Variants in MAP3K4 observed in about 807,000 individuals in gnomAD.
MAP3K4 encodes the protein MAP three kinase 1.
Under a neutral mutation model 185.6 loss-of-function variants are expected in MAP3K4, and 67 were observed. The ratio of observed to expected loss-of-function variants is 0.36; its 90% CI spans 0.30 to 0.44. The LOEUF is 0.44. Among genes scored for constraint, MAP3K4 ranks in the 20% least tolerant of loss-of-function variants. MAP3K4 has a pLI of 1.00. For synonymous variants in MAP3K4, 702 were observed against 710.4 expected, an observed-to-expected ratio of 0.99 and a Z score of 0.19; for missense variants, 1,551 against 1,995.1, an observed-to-expected ratio of 0.78 and a Z score of 4.24.
Position 161,063,738 on chromosome 6 carries a change from A to G in MAP3K4, c.1708-6870A>G, listed in dbSNP as rs374645032. ...CCAGCCCTTTCAGACCTTACTGCCAACCCCTTGCCTTCACTCATGAATAGT... is the reference window on the plus strand; with the variant it reads ...CCAGCCCTTTCAGACCTTACTGCCAGCCCCTTGCCTTCACTCATGAATAGT... On this transcript the variant is annotated intron_variant, in intron 3 of 26. Transcript: ENST00000392142. The surrounding 1 kb of genome is among the most constrained non-coding windows in gnomAD (Gnocchi z 5.4). Among the ~76,000 whole-genome samples the G allele has an allele frequency of 6.6e-6, 1 of 151,964 alleles. No individual in the cohort carries two copies. Among genetic ancestry groups the G allele is most frequent in the Admixed American group, 6.6e-5 (1 of 15,254 alleles).
At position 161,087,603 on chromosome 6, in the gene MAP3K4, G is replaced by T. The variant is rs1032731393; in HGVS notation, c.2557-85G>T. On this transcript the variant is annotated intron_variant, in intron 9 of 26. Transcript: ENST00000392142. The surrounding 1 kb of genome is among the most constrained non-coding windows in gnomAD (Gnocchi z 4.9). ...TTCCCACTTTCCCTTTCCCAAACCT[G>T]CCTCTCCTTTCCTAGGTTTGTTTTA... The T allele has an allele frequency of 1.1e-4, 158 of 1,431,428 alleles. No individual in the cohort carries two copies. Among genetic ancestry groups the T allele is most frequent in the Non-Finnish European group, 1.4e-4 (144 of 1,032,522 alleles). The allele number at this position is 1,431,428 out of a possible 1,614,324, so 88.7% of individuals were successfully genotyped here. A position where few individuals can be genotyped will look rare whatever the true frequency, so the allele number is the denominator to read the frequency against.
chr6:161,089,569 G>C, intron 11 of MAP3K4, 98 bp downstream of exon 11: 1 of 1,336,618 alleles, frequency 7.5e-7, no homozygotes, highest in South Asian at 1.5e-5. Context: ...AGGAACTTGA[G>C]CTCCTGAATT....
At chr6:161,099,488 C>G (rs966174453) in intron 17 of MAP3K4, among the ~76,000 whole-genome samples, 1 of 152,188 alleles carries the variant, frequency 6.6e-6, no homozygotes, top group African/African-American at 2.4e-5. Flanking sequence ...AAATTAACAA[C>G]ATTGAACAAA....
intron 1 of MAP3K4, among the ~76,000 whole-genome samples, chr6:161,016,398 T>C (rs1407643284): frequency 6.6e-6 from 1 of 152,256 alleles, no homozygotes; most frequent in Admixed American, 6.5e-5. Context: ...TTCGTGCTTT[T>C]GTATCATATC....
rs1777813232 is a variant in MAP3K4, at chr6:161,100,899, C to T, written c.3675-993C>T. 6.6e-6 allele frequency: 1 copy of T among 152,090 alleles called. No individual in the cohort carries two copies. Among genetic ancestry groups the T allele is most frequent in the Non-Finnish European group, 1.5e-5 (1 of 68,024 alleles). The allele number at this position is 152,090 out of a possible 1,614,324, so 9.4% of individuals were successfully genotyped here. A position where few individuals can be genotyped will look rare whatever the true frequency, so the allele number is the denominator to read the frequency against. ...TATGGCAGTAGAAATGTCCCCATCACTTCAGACTTAACAAGTGCTATACTA... is the reference window on the plus strand; with the variant it reads ...TATGGCAGTAGAAATGTCCCCATCATTTCAGACTTAACAAGTGCTATACTA... On this transcript the variant is annotated intron_variant, in intron 17 of 26. Coordinates refer to ENST00000392142, the MANE Select transcript of MAP3K4 (RefSeq NM_005922.4). The surrounding 1 kb of genome is among the most constrained non-coding windows in gnomAD (Gnocchi z 5.8).
At chr6:161,014,782 A>G (rs950613124) in intron 1 of MAP3K4, among the ~76,000 whole-genome samples, 1 of 152,210 alleles carries the variant, frequency 6.6e-6, no homozygotes, top group South Asian at 2.1e-4. Flanking sequence ...TCATCCACCC[A>G]TTTAAAGTGT....
chr6:161,103,247 T>C lies in MAP3K4; in HGVS notation c.3856+468T>C, dbSNP rs891207574. On this transcript the variant is annotated intron_variant, in intron 19 of 26. Coordinates refer to ENST00000392142, the MANE Select transcript of MAP3K4 (RefSeq NM_005922.4). This position sits in a 1 kb window ranked among gnomAD's most constrained non-coding sequence, Gnocchi z 4.6. ...CAACAATATTGAGCAGTAGGCAAAA[T>C]AGATGTTCTCTTTTTATAAATGATA... Among the ~76,000 whole-genome samples the C allele has an allele frequency of 6.6e-5, 10 of 152,178 alleles. No individual in the cohort carries two copies. The highest frequency in any genetic ancestry group is 5.9e-4 in the Admixed American group (9 of 15,278).
Position 160,996,210 on chromosome 6 carries a change from C to G in MAP3K4, c.152+4127C>G, listed in dbSNP as rs907191772. Among the ~76,000 whole-genome samples, 1 of 152,164 alleles carries G rather than the reference C, an allele frequency of 6.6e-6. No individual in the cohort carries two copies. Among genetic ancestry groups the G allele is most frequent in the Non-Finnish European group, 1.5e-5 (1 of 68,032 alleles). Reference sequence around the variant, plus strand: ...CAGTGATGGTCATGCCTTTACACCACTGTAACAGTAGATGCCATTGGCGGG... The same window carrying G: ...CAGTGATGGTCATGCCTTTACACCAGTGTAACAGTAGATGCCATTGGCGGG... On this transcript the variant is annotated intron_variant, in intron 1 of 26. Transcript: ENST00000392142. The surrounding 1 kb of genome is among the most constrained non-coding windows in gnomAD (Gnocchi z 4.5).
At chr6:161,057,055 C>T (rs1784270116) in intron 3 of MAP3K4, among the ~76,000 whole-genome samples, 1 of 152,082 alleles carries the variant, frequency 6.6e-6, no homozygotes, top group Non-Finnish European at 1.5e-5. Flanking sequence ...AATTGTCTGA[C>T]TTTGTTGCCT....
chr6:161,035,980 T>G (rs1393644982), intron 2 of MAP3K4, among the ~76,000 whole-genome samples: 5 of 152,218 alleles, frequency 3.3e-5, no homozygotes, highest in Admixed American at 2.6e-4. Context: ...GTACCACTAG[T>G]TCTCCTGGTA....
intron 1 of MAP3K4, among the ~76,000 whole-genome samples, chr6:160,993,988 T>A (rs1426755093): frequency 6.6e-6 from 1 of 152,200 alleles, no homozygotes; most frequent in Non-Finnish European, 1.5e-5. Context: ...TACATAGAAC[T>A]GACCTCTGAC....
rs773551300 is a variant in MAP3K4 at position 161,064,672 on chromosome 6, G to A, written c.1708-5936G>A. Reference sequence around the variant, plus strand: ...TCCACATGGGCTTTATTATGGATTTGTCAAATCCACACAACATGACATCAG... The same window carrying A: ...TCCACATGGGCTTTATTATGGATTTATCAAATCCACACAACATGACATCAG... On this transcript the variant is annotated intron_variant, in intron 3 of 26. Coordinates refer to ENST00000392142, the MANE Select transcript of MAP3K4 (RefSeq NM_005922.4). This position sits in a 1 kb window ranked among gnomAD's most constrained non-coding sequence, Gnocchi z 4.3. Among the ~76,000 whole-genome samples the A allele has an allele frequency of 5.3e-5, 8 of 152,012 alleles. No individual in the cohort carries two copies. Among genetic ancestry groups the A allele is most frequent in the Non-Finnish European group, 1.0e-4 (7 of 68,010 alleles).
Position 161,112,051 on chromosome 6 carries a change from T to C in MAP3K4, c.4519+93T>C. 1 of 1,515,088 alleles carries C rather than the reference T, an allele frequency of 6.6e-7. No homozygotes were observed. The highest frequency in any genetic ancestry group is 8.9e-7 in the Non-Finnish European group (1 of 1,121,138). The allele number at this position is 1,515,088 out of a possible 1,614,324, so 93.9% of individuals were successfully genotyped here. On this transcript the variant is annotated intron_variant, in intron 24 of 26. Transcript: ENST00000392142. The surrounding 1 kb of genome is among the most constrained non-coding windows in gnomAD (Gnocchi z 5.1). ...CTTCACCTTTGTTTGTCAGTAGAGATGGGAGAGCAGGTAAAGGTTTTCAGT... is the reference window on the plus strand; with the variant it reads ...CTTCACCTTTGTTTGTCAGTAGAGACGGGAGAGCAGGTAAAGGTTTTCAGT...
rs895854975 is a variant in MAP3K4 at position 161,110,868 on chromosome 6, G to A, written c.4396+954G>A. Among the ~76,000 whole-genome samples, 7 of 152,144 alleles carry A rather than the reference G, an allele frequency of 4.6e-5. No homozygotes were observed. Among genetic ancestry groups the A allele is most frequent in the African/African-American group, 1.4e-4 (6 of 41,420 alleles). On this transcript the variant is annotated intron_variant, in intron 23 of 26. Coordinates refer to ENST00000392142, the MANE Select transcript of MAP3K4 (RefSeq NM_005922.4). The surrounding 1 kb of genome is among the most constrained non-coding windows in gnomAD (Gnocchi z 4.8). ...TGGCTCTGTACCAGGCCGTAGCACT[G>A]CCTATTTCTAGTCGTTCTGCCACAG...
At chr6:161,015,703 G>A (rs1338143220) in intron 1 of MAP3K4, among the ~76,000 whole-genome samples, 1 of 152,030 alleles carries the variant, frequency 6.6e-6, no homozygotes, top group Non-Finnish European at 1.5e-5. Context: ...CGGGGCGGGG[G>A]GAAGGTGCCA....
intron 18 of MAP3K4, 150 bp from the exon 19 acceptor site, chr6:161,102,549 T>A: frequency 1.8e-6 from 1 of 550,722 alleles, no homozygotes; most frequent in Non-Finnish European, 3.2e-6. Context: ...ATTGCAAAGA[T>A]AGTTTCTCAC....
rs574984794 is a variant in MAP3K4, at chr6:161,054,155, C to T, written c.1707+4176C>T. Among the ~76,000 whole-genome samples the T allele has an allele frequency of 6.6e-6, 1 of 152,186 alleles. No individual in the cohort carries two copies. The highest frequency in any genetic ancestry group is 1.9e-4 in the East Asian group (1 of 5,178). On this transcript the variant is annotated intron_variant, in intron 3 of 26. Coordinates refer to ENST00000392142, the MANE Select transcript of MAP3K4 (RefSeq NM_005922.4). The surrounding 1 kb of genome is among the most constrained non-coding windows in gnomAD (Gnocchi z 4.2). ...AATTTCCCTTTGTAAGCATGCTTTA[C>T]AAAATAATTTTTTTTTGAGACAGAG...
At position 161,102,743 on chromosome 6, in the gene MAP3K4, A is replaced by G; in HGVS notation, c.3820A>G (p.Ser1274Gly). 6.2e-7 allele frequency: 1 copy of G among 1,601,566 alleles called. No individual in the cohort carries two copies. Among genetic ancestry groups the G allele is most frequent in the Non-Finnish European group, 8.5e-7 (1 of 1,176,214 alleles). Reference sequence around the variant, plus strand: ...AGATTCAAGTGGGTCCACAAGAAGAAGTTGGGAACTTCGGACACTAATCAG... The same window carrying G: ...AGATTCAAGTGGGTCCACAAGAAGAGGTTGGGAACTTCGGACACTAATCAG... ...RGDSSGSTRR[S>G]WELRTLISQS... Residue 1274 changes from serine (S) to glycine (G), a missense_variant, in exon 19 of 27, where the codon AGT becomes GGT. Ser to Gly is a moderately conservative substitution (Grantham distance 56). This residue lies in a region of MAP3K4 where 272 missense variants were observed against 301.2 expected (regional missense o/e 0.90). Transcript: ENST00000392142.
In MAP3K4 at chr6:161,067,587, G is replaced by A. The variant is rs894173493; in HGVS notation, c.1708-3021G>A. 1.3e-5 allele frequency among the ~76,000 whole-genome samples: 2 copies of A among 151,862 alleles called. No individual in the cohort carries two copies. Among genetic ancestry groups the A allele is most frequent in the Admixed American group, 6.5e-5 (1 of 15,268 alleles). ...AGTGCAAAAGTATGTATTAAATGTA[G>A]AAGGATAAATTAATCTTGTTTTCCT... On this transcript the variant is annotated intron_variant, in intron 3 of 26. Transcript: ENST00000392142. This position sits in a 1 kb window ranked among gnomAD's most constrained non-coding sequence, Gnocchi z 6.3.
Sources: gnomAD v4.1 joint callset for allele counts (sites outside exome capture counted in the v4.1 genomes callset) on GRCh38, gnomAD v4.1.1 for gene constraint, gnomAD v4.1.1 regional missense constraint, Gnocchi (gnomAD v3.1) non-coding constraint, MANE v1.5 for transcripts, NCBI Gene and HGNC (gene_info 2026-07-23, HGNC 2026-07-21) for gene names.